Variants in MAP2K5 observed in about 807,000 individuals in gnomAD.
MAP2K5 encodes dual specificity mitogen-activated protein kinase kinase 5.
Under a neutral mutation model 83.1 loss-of-function variants are expected in MAP2K5, and 49 were observed. That is an observed-to-expected ratio of 0.59 (90% CI 0.47 to 0.75). The LOEUF (loss-of-function observed/expected upper bound fraction) is 0.75. Among genes scored for constraint, MAP2K5 ranks in the 30% least tolerant of loss-of-function variants. The probability of loss-of-function intolerance (pLI) is 0.00; values close to 1 mark genes in which losing one functional copy is unlikely to be tolerated. For missense variants in MAP2K5, 457 were observed against 557.5 expected (o/e 0.82, Z 1.82); for synonymous variants, 202 against 191.8 (o/e 1.05, Z -0.44).
intron 2 of MAP2K5, among the ~76,000 whole-genome samples, chr15:67,551,918 A>C (rs2084518123): frequency 6.6e-6 from 1 of 152,228 alleles, no homozygotes; most frequent in African/African-American, 2.4e-5. Context: ...TGAATAAACA[A>C]ATAATGCATA....
intron 2 of MAP2K5, among the ~76,000 whole-genome samples, chr15:67,553,888 C>A (rs1196894758): frequency 2.3e-5 from 3 of 133,244 alleles, no homozygotes; most frequent in Admixed American, 1.7e-4. Flanking sequence ...AGTCCGCAGT[C>A]CGGCCTGGGC....
intron 8 of MAP2K5, among the ~76,000 whole-genome samples, chr15:67,620,659 GAAGTTAAA>G (rs1244051688): frequency 1.3e-5 from 2 of 152,144 alleles, no homozygotes; most frequent in Non-Finnish European, 2.9e-5. Flanking sequence ...AATTCAAAAT[GAAGTTAAA>G]AAGACTGGAG....
intron 19 of MAP2K5, among the ~76,000 whole-genome samples, chr15:67,753,840 G>T (rs1286109865): frequency 6.6e-6 from 1 of 152,194 alleles, no homozygotes; most frequent in Non-Finnish European, 1.5e-5. Context: ...TGACCCAGCA[G>T]TTCCACCTCT....
intron 13 of MAP2K5, among the ~76,000 whole-genome samples, chr15:67,687,195 T>G (rs1481390153): frequency 1.3e-5 from 2 of 152,206 alleles, no homozygotes; most frequent in East Asian, 3.8e-4. Flanking sequence ...AGAAGTTAAA[T>G]CAGAGGGAAA....
At chr15:67,586,697 A>G (rs2085299032) in intron 5 of MAP2K5, 149 bp from the exon 6 acceptor site, 6 of 728,730 alleles carry the variant, frequency 8.2e-6, no homozygotes, top group Non-Finnish European at 1.5e-5. Context: ...TTTGTAACCT[A>G]TATACTGAAT....
Position 67,676,773 on chromosome 15 carries a change from TA to T in MAP2K5, c.847+12134del, listed in dbSNP as rs981244828. 2.0e-5 allele frequency among the ~76,000 whole-genome samples: 3 copies of T among 152,158 alleles called. No homozygotes were observed. Among genetic ancestry groups the T allele is most frequent in the African/African-American group, 4.8e-5 (2 of 41,442 alleles). On this transcript the variant is annotated intron_variant, in intron 13 of 21. Coordinates refer to ENST00000178640, the MANE Select transcript of MAP2K5 (RefSeq NM_145160.3). The surrounding 1 kb of genome is among the most constrained non-coding windows in gnomAD (Gnocchi z 4.8). ...TGAAGCAATCAAGGCTCAAGCAGCC[TA>T]AAAAACTTGCTTAGTTATAGGAAAA...
intron 17 of MAP2K5, among the ~76,000 whole-genome samples, chr15:67,743,607 A>G (rs2089540191): frequency 1.3e-5 from 2 of 152,344 alleles, no homozygotes; most frequent in South Asian, 2.1e-4. Flanking sequence ...TAGGCAATGT[A>G]TATAAAGCTT....
chr15:67,621,936 C>A (rs2086196285), intron 8 of MAP2K5, among the ~76,000 whole-genome samples: 1 of 152,124 alleles, frequency 6.6e-6, no homozygotes, highest in Non-Finnish European at 1.5e-5. Flanking sequence ...GTAATCCCAG[C>A]ATTTTGGGAG....
chr15:67,773,613 T>C (rs1001955339), intron 21 of MAP2K5, among the ~76,000 whole-genome samples: 2 of 152,210 alleles, frequency 1.3e-5, no homozygotes, highest in Admixed American at 6.5e-5. Context: ...ATAATATGGA[T>C]TTCATCCTTG....
intron 6 of MAP2K5, among the ~76,000 whole-genome samples, chr15:67,588,417 A>T (rs1380217461): frequency 6.6e-6 from 1 of 152,026 alleles, no homozygotes; most frequent in African/African-American, 2.4e-5. Flanking sequence ...CACACCAGGG[A>T]CCTCTCTAGG....
rs2090288586 is a variant in MAP2K5, at chr15:67,779,347, T to C, written c.1242+6595T>C. On this transcript the variant is annotated intron_variant, in intron 21 of 21. Coordinates refer to ENST00000178640, the MANE Select transcript of MAP2K5 (RefSeq NM_145160.3). This position sits in a 1 kb window ranked among gnomAD's most constrained non-coding sequence, Gnocchi z 4.6. ...TCGGCAGAATCACTGTCTGGATACTTGAGATCGCACTAAATCAGACAGCTT... is the reference window on the plus strand; with the variant it reads ...TCGGCAGAATCACTGTCTGGATACTCGAGATCGCACTAAATCAGACAGCTT... Among the ~76,000 whole-genome samples, 1 of 152,210 alleles carries C rather than the reference T, an allele frequency of 6.6e-6. No homozygotes were observed. Among genetic ancestry groups the C allele is most frequent in the African/African-American group, 2.4e-5 (1 of 41,444 alleles).
chr15:67,748,560 C>G lies in MAP2K5; in HGVS notation c.1102-9C>G, dbSNP rs1039871994. The G allele has an allele frequency of 1.9e-6, 3 of 1,613,636 alleles. No homozygotes were observed. The highest frequency in any genetic ancestry group is 2.5e-6 in the Non-Finnish European group (3 of 1,179,684). ...CTAATACTTTTTCCTCTCTTCTTTT[C>G]CATTGCAGCCTCTCCAGCTTCTGCA... On this transcript the variant is annotated splice_polypyrimidine_tract_variant and intron_variant, in intron 18 of 21. Transcript: ENST00000178640. This position sits in a 1 kb window ranked among gnomAD's most constrained non-coding sequence, Gnocchi z 4.0.
At chr15:67,608,519 T>A (rs1172618412) in intron 8 of MAP2K5, among the ~76,000 whole-genome samples, 2 of 152,132 alleles carry the variant, frequency 1.3e-5, no homozygotes, top group African/African-American at 2.4e-5. Context: ...CCTGTCTGTG[T>A]GTATGGTGCA....
chr15:67,706,826 A>C (rs1163003303), intron 16 of MAP2K5, among the ~76,000 whole-genome samples: 2 of 152,162 alleles, frequency 1.3e-5, no homozygotes, highest in Non-Finnish European at 2.9e-5. Context: ...AAAGAAAAAT[A>C]TGTGATAGGG....
intron 12 of MAP2K5, among the ~76,000 whole-genome samples, chr15:67,660,802 C>A (rs1878701): frequency 0.98 from 148,938 of 151,750 alleles, 73,161 homozygotes; most frequent in Middle Eastern, 1. Flanking sequence ...TTAGTCAGTA[C>A]AAATTTGAAC....
At chr15:67,762,105 G>C (rs962080136) in intron 19 of MAP2K5, among the ~76,000 whole-genome samples, 1 of 152,218 alleles carries the variant, frequency 6.6e-6, no homozygotes, top group African/African-American at 2.4e-5. Context: ...ACTCAATCTT[G>C]TGGATGTCAG....
chr15:67,685,669 T>C (rs1023619416), intron 13 of MAP2K5, among the ~76,000 whole-genome samples: 2 of 152,232 alleles, frequency 1.3e-5, no homozygotes, highest in African/African-American at 4.8e-5. Flanking sequence ...AATGGAAATA[T>C]ATTATTGTAA....
chr15:67,618,807 A>G (rs1156967400), intron 8 of MAP2K5, among the ~76,000 whole-genome samples: 1 of 152,128 alleles, frequency 6.6e-6, no homozygotes, highest in Non-Finnish European at 1.5e-5. Flanking sequence ...ACCCTATTCA[A>G]AACCACTATT....
At chr15:67,798,486 C>A (rs2127162) in intron 21 of MAP2K5, among the ~76,000 whole-genome samples, 83,938 of 152,066 alleles carry the variant, frequency 0.55, 24,148 homozygotes, top group East Asian at 0.85. Context: ...CATCCAACAC[C>A]GTACAACACT....
Sources: gnomAD v4.1 joint callset for allele counts (sites outside exome capture counted in the v4.1 genomes callset) on GRCh38, gnomAD v4.1.1 for gene constraint, Gnocchi (gnomAD v3.1) non-coding constraint, MANE v1.5 for transcripts, NCBI Gene and HGNC (gene_info 2026-07-23, HGNC 2026-07-21) for gene names.